TTC7B: variants seen among roughly 807,000 people sequenced by gnomAD.
TTC7B encodes the protein tetratricopeptide repeat domain 7B, also known as tetratricopeptide repeat protein 7B.
TTC7B carries 28 observed loss-of-function variants against 106.8 expected under a neutral mutation model. The ratio of observed to expected loss-of-function variants is 0.26; its 90% confidence interval spans 0.19 to 0.36. The LOEUF is 0.36. TTC7B is among the 10% of genes least tolerant of loss of function. The probability of loss-of-function intolerance (pLI) is 1.00; values close to 1 mark genes in which losing one functional copy is unlikely to be tolerated. For synonymous variants in TTC7B, 405 were observed against 430.6 expected (o/e 0.94, Z 0.74); for missense variants, 862 against 1,076.4 (o/e 0.80, Z 2.79).
At chr14:90,701,808 A>G in intron 5 of TTC7B, among the ~76,000 whole-genome samples, 1 of 150,078 alleles carries the variant, frequency 6.7e-6, no homozygotes, top group South Asian at 2.1e-4. Flanking sequence ...ATATATATAT[A>G]TATATATATA....
chr14:90,602,251 C>T (rs547336910), intron 17 of TTC7B: 47 of 455,900 alleles, frequency 1.0e-4, no homozygotes, highest in African/African-American at 8.8e-4. Flanking sequence ...GGTCAAAGTG[C>T]GGGACTTCTC....
At chr14:90,658,454 A>C in intron 9 of TTC7B, 67 bp from the exon 10 acceptor site, 1 of 1,427,680 alleles carries the variant, frequency 7.0e-7, no homozygotes, top group South Asian at 1.1e-5. Context: ...CACAAGTGTG[A>C]GTTTGTATCT....
chr14:90,786,872 C>T (rs1185233464), intron 1 of TTC7B, among the ~76,000 whole-genome samples: 1 of 152,052 alleles, frequency 6.6e-6, no homozygotes, highest in Non-Finnish European at 1.5e-5. Flanking sequence ...TGAGCCACTG[C>T]GCCTGGCTGC....
chr14:90,543,649 A>G (rs1889694829), intron 19 of TTC7B, among the ~76,000 whole-genome samples: 1 of 152,238 alleles, frequency 6.6e-6, no homozygotes, highest in Non-Finnish European at 1.5e-5. Context: ...TTCCCTTTAG[A>G]AGTCAAATTG....
rs766778190 is a variant in TTC7B at position 90,593,513 on chromosome 14, T to A, written c.2080A>T (p.Thr694Ser). Residue 694 changes from threonine (T) to serine (S), a missense_variant, in exon 18 of 20, where the codon ACG becomes TCG. Coordinates refer to ENST00000328459, the MANE Select transcript of TTC7B (RefSeq NM_001010854.2). ...GCATGGAGCCAGATCTGTGCCAGCGTCATCCAGGGGTGCAGCGGGCCCTGC... is the reference window on the plus strand; with the variant it reads ...GCATGGAGCCAGATCTGTGCCAGCGACATCCAGGGGTGCAGCGGGCCCTGC... ...PKQGPLHPWMTLAQIWLHAAE... is the reference protein window; with the variant it reads ...PKQGPLHPWMSLAQIWLHAAE... The A allele has an allele frequency of 1.2e-6, 2 of 1,608,784 alleles. No homozygotes were observed. Among genetic ancestry groups the A allele is most frequent in the Non-Finnish European group, 1.7e-6 (2 of 1,176,816 alleles).
intron 19 of TTC7B, among the ~76,000 whole-genome samples, chr14:90,571,917 A>C (rs1891049919): frequency 2.0e-5 from 3 of 152,192 alleles, no homozygotes; most frequent in Non-Finnish European, 4.4e-5. Context: ...ACAGACACCG[A>C]GTGCCAGTTT....
At chr14:90,571,466 C>T (rs906741256) in intron 19 of TTC7B, among the ~76,000 whole-genome samples, 2 of 152,144 alleles carry the variant, frequency 1.3e-5, no homozygotes, top group South Asian at 4.1e-4. Context: ...CACATGGACG[C>T]ATTGGAAGGC....
chr14:90,813,266 C>T (rs1325277398), intron 1 of TTC7B, among the ~76,000 whole-genome samples: 2 of 152,216 alleles, frequency 1.3e-5, no homozygotes, highest in African/African-American at 4.8e-5. Context: ...TCTTTGATAG[C>T]ACTGACCACC....
At chr14:90,649,587 T>C (rs917027070) in intron 13 of TTC7B, among the ~76,000 whole-genome samples, 6 of 152,134 alleles carry the variant, frequency 3.9e-5, no homozygotes, top group African/African-American at 1.4e-4. Flanking sequence ...TGCTCAGAAA[T>C]ACCTAAAAGA....
At chr14:90,605,818 G>GA in intron 17 of TTC7B, 1 of 1,160,228 alleles carries the variant, frequency 8.6e-7, no homozygotes, top group Non-Finnish European at 1.1e-6. Context: ...GAAACACAAA[G>GA]AAAAAAATAA....
chr14:90,553,861 C>A (rs2139775222), intron 19 of TTC7B, among the ~76,000 whole-genome samples: 1 of 152,324 alleles, frequency 6.6e-6, no homozygotes, highest in Non-Finnish European at 1.5e-5. Context: ...ACGGCTTTGA[C>A]TTTTGTCTTC....
In TTC7B at chr14:90,530,171, G is replaced by A. The variant is rs1889249665; in HGVS notation, c.*11197C>T. The A allele has an allele frequency of 6.6e-6, 1 of 152,276 alleles. No individual in the cohort carries two copies. The highest frequency in any genetic ancestry group is 2.1e-4 in the South Asian group (1 of 4,810). 9.4% of individuals were successfully genotyped at this position (152,276 alleles called of 1,614,324 possible). On this transcript the variant is annotated 3_prime_UTR_variant, in exon 20 of 20. Coordinates refer to ENST00000328459, the MANE Select transcript of TTC7B (RefSeq NM_001010854.2). Reference sequence around the variant, plus strand: ...TAATCCTAGCTACTCGGGAGGCTGGGGCAGGAGAATCACTTGAACCCGGGA... The same window carrying A: ...TAATCCTAGCTACTCGGGAGGCTGGAGCAGGAGAATCACTTGAACCCGGGA...
At chr14:90,769,956 C>A (rs1469635672) in intron 3 of TTC7B, among the ~76,000 whole-genome samples, 1 of 151,878 alleles carries the variant, frequency 6.6e-6, no homozygotes, top group African/African-American at 2.4e-5. Context: ...TGAGACCATC[C>A]TGGGCAACAT....
chr14:90,704,193 C>T (rs542565614), intron 5 of TTC7B, among the ~76,000 whole-genome samples: 2 of 152,362 alleles, frequency 1.3e-5, no homozygotes, highest in African/African-American at 4.8e-5. Flanking sequence ...CTTTCCCCAA[C>T]CAGCTGCTAC....
Position 90,780,409 on chromosome 14 carries a change from GAGAAAGAA to G in TTC7B, c.445+321_445+328del, listed in dbSNP as rs10586662. Among the ~76,000 whole-genome samples the G allele has an allele frequency of 9.0e-4, 126 of 140,484 alleles. 1 individual carries two copies. Among genetic ancestry groups the G allele is most frequent in the South Asian group, 8.0e-3 (35 of 4,388 alleles). 92.2% of individuals were successfully genotyped at this position (140,484 alleles called of 152,430 possible). Reference sequence around the variant, plus strand: ...AAAAAAAGAAAGAGAGAAAGAAACAGAGAAAGAAAGAAAGAAAGAAAGAGAGAGAGAGA... The same window carrying G: ...AAAAAAAGAAAGAGAGAAAGAAACAGAGAAAGAAAGAAAGAGAGAGAGAGA... On this transcript the variant is annotated intron_variant, in intron 3 of 19. Transcript: ENST00000328459.
intron 9 of TTC7B, among the ~76,000 whole-genome samples, chr14:90,660,932 T>C (rs1886178329): frequency 6.6e-6 from 1 of 152,212 alleles, no homozygotes; most frequent in African/African-American, 2.4e-5. Context: ...GGCAATGTGT[T>C]CAGCTCAGGG....
chr14:90,622,950 C>T (rs143245772), intron 15 of TTC7B, among the ~76,000 whole-genome samples: 33 of 152,208 alleles, frequency 2.2e-4, no homozygotes, highest in Non-Finnish European at 4.1e-4. Flanking sequence ...CGCCCCCACT[C>T]GAGCCGTGGT....
rs111892581 is a variant in TTC7B, at chr14:90,674,488, G to A, written c.1152+2035C>T. Among the ~76,000 whole-genome samples, 1,126 of 152,344 alleles carry A rather than the reference G, an allele frequency of 7.4e-3. 15 individuals carry two copies. The highest frequency in any genetic ancestry group is 0.026 in the African/African-American group (1,072 of 41,580). On this transcript the variant is annotated intron_variant, in intron 9 of 19. Transcript: ENST00000328459. The stretch of plus-strand genomic sequence containing the variant: ...AGCCAAGTATCCAACCCCTAGATAA[G>A]GCATGCAGAGCTTGTGCTGGGCCCG...
chr14:90,589,470 T>C (rs1392283505), intron 18 of TTC7B, among the ~76,000 whole-genome samples: 2 of 152,254 alleles, frequency 1.3e-5, no homozygotes, highest in African/African-American at 4.8e-5. Flanking sequence ...GTAAATGCTA[T>C]TTAAATAGTT....
Sources: allele counts gnomAD v4.1 joint callset (sites outside exome capture counted in the v4.1 genomes callset), GRCh38; gene constraint gnomAD v4.1.1; transcripts MANE v1.5; gene names NCBI Gene and HGNC (gene_info 2026-07-23, HGNC 2026-07-21).